The following RARB variants were observed in gnomAD, a reference collection of about 807,000 sequenced individuals.
RARB encodes retinoic acid receptor beta.
RARB carries 17 observed loss-of-function variants against 51.9 expected under a neutral mutation model. The ratio of observed to expected loss-of-function variants is 0.33; its 90% CI spans 0.22 to 0.49. The LOEUF (loss-of-function observed/expected upper bound fraction) is 0.49. Among genes scored for constraint, RARB ranks in the 20% least tolerant of loss-of-function variants. RARB has a pLI of 0.99. For missense variants in RARB, 369 were observed against 550.8 expected (o/e 0.67, Z 3.30); for synonymous variants, 215 against 195.4 (o/e 1.10, Z -0.84).
At chr3:25,104,605 C>T (rs1234507345) in intron 3 of RARB, among the ~76,000 whole-genome samples, 1 of 152,116 alleles carries the variant, frequency 6.6e-6, no homozygotes, top group Admixed American at 6.5e-5. Flanking sequence ...GATTGTGCCA[C>T]TGCACTCCAG....
chr3:25,066,699 AATTAC>A (rs1489844554), intron 3 of RARB, among the ~76,000 whole-genome samples: 1 of 152,068 alleles, frequency 6.6e-6, no homozygotes, highest in East Asian at 1.9e-4. Flanking sequence ...AAAAATCCCC[AATTAC>A]AAAAATACTA....
intron 5 of RARB, among the ~76,000 whole-genome samples, chr3:25,195,453 T>TA (rs1340233453): frequency 6.6e-6 from 1 of 152,032 alleles, no homozygotes; most frequent in East Asian, 1.9e-4. Context: ...ATTCAGACAT[T>TA]AAAAAATAGC....
intron 5 of RARB, among the ~76,000 whole-genome samples, chr3:25,300,716 G>T (rs897615346): frequency 1.3e-5 from 2 of 152,186 alleles, no homozygotes; most frequent in Non-Finnish European, 2.9e-5. Flanking sequence ...CTGGTCAGGA[G>T]TGGTGGCTCA....
chr3:25,461,809 C>G, intron 2 of RARB, among the ~76,000 whole-genome samples: 1 of 152,172 alleles, frequency 6.6e-6, no homozygotes, highest in East Asian at 1.9e-4. Context: ...ACACGAGAAT[C>G]ACTTGAAACT....
intron 2 of RARB, among the ~76,000 whole-genome samples, chr3:25,044,967 C>A (rs191924081): frequency 6.6e-6 from 1 of 152,170 alleles, no homozygotes; most frequent in African/African-American, 2.4e-5. Context: ...ATGAACCTTA[C>A]AATCAAAGTC....
At chr3:25,373,313 G>A (rs1354360252) in intron 5 of RARB, among the ~76,000 whole-genome samples, 3 of 152,076 alleles carry the variant, frequency 2.0e-5, no homozygotes. Flanking sequence ...AGGAATCCCA[G>A]GAGACTTAGC....
chr3:25,563,572 A>T (rs776708312), intron 3 of RARB, among the ~76,000 whole-genome samples: 1 of 152,244 alleles, frequency 6.6e-6, no homozygotes, highest in Non-Finnish European at 1.5e-5. Context: ...AAATGCTTGA[A>T]TTAAATCCTT....
intron 4 of RARB, among the ~76,000 whole-genome samples, chr3:25,168,920 T>A (rs139741491): frequency 1.3e-3 from 196 of 152,254 alleles, no homozygotes; most frequent in African/African-American, 4.6e-3. Flanking sequence ...GGGAAAGGGA[T>A]CCTTGAGATT....
intron 2 of RARB, among the ~76,000 whole-genome samples, chr3:25,018,334 C>CAA (rs1697559056): frequency 2.0e-5 from 3 of 152,166 alleles, no homozygotes; most frequent in African/African-American, 7.2e-5. Flanking sequence ...GCAGTATAAT[C>CAA]ATTCTTCCCC....
At chr3:25,229,554 T>C (rs1702129264) in intron 5 of RARB, among the ~76,000 whole-genome samples, 1 of 152,140 alleles carries the variant, frequency 6.6e-6, no homozygotes, top group African/African-American at 2.4e-5. Flanking sequence ...GTATATTGTA[T>C]ACTAGTTAAA....
At chr3:25,086,854 A>G (rs940079608) in intron 3 of RARB, among the ~76,000 whole-genome samples, 1 of 152,132 alleles carries the variant, frequency 6.6e-6, no homozygotes, top group Non-Finnish European at 1.5e-5. Flanking sequence ...TATTATGCAG[A>G]TAAAGCCTCC....
intron 5 of RARB, among the ~76,000 whole-genome samples, chr3:25,281,904 G>A (rs1443172306): frequency 6.6e-6 from 1 of 152,202 alleles, no homozygotes; most frequent in African/African-American, 2.4e-5. Flanking sequence ...AAATAGCTGT[G>A]CTCATGTTGT....
chr3:24,957,415 C>A (rs998007236), intron 2 of RARB, among the ~76,000 whole-genome samples: 32 of 152,114 alleles, frequency 2.1e-4, no homozygotes, highest in African/African-American at 7.5e-4. Flanking sequence ...TGACGACAGC[C>A]CATAAGAGTT....
At chr3:25,573,480 G>T (rs1025758193) in intron 4 of RARB, among the ~76,000 whole-genome samples, 1 of 152,154 alleles carries the variant, frequency 6.6e-6, no homozygotes, top group Non-Finnish European at 1.5e-5. Context: ...GCATCCTTCC[G>T]GAGGCCTGCT....
intron 2 of RARB, among the ~76,000 whole-genome samples, chr3:25,037,558 A>G (rs1003063740): frequency 2.0e-5 from 3 of 152,142 alleles, no homozygotes; most frequent in Non-Finnish European, 4.4e-5. Flanking sequence ...GGAACTAAGT[A>G]TGTGTCACTT....
intron 5 of RARB, among the ~76,000 whole-genome samples, chr3:25,241,786 C>T (rs1018260874): frequency 2.6e-5 from 4 of 152,164 alleles, no homozygotes; most frequent in African/African-American, 9.7e-5. Flanking sequence ...GTGCATGTGT[C>T]TATATAGCAG....
chr3:25,406,661 TGA>T (rs1270177907), intron 5 of RARB, among the ~76,000 whole-genome samples: 1 of 152,238 alleles, frequency 6.6e-6, no homozygotes, highest in Non-Finnish European at 1.5e-5. Flanking sequence ...AATTATATTC[TGA>T]GACACTGGAG....
intron 2 of RARB, among the ~76,000 whole-genome samples, chr3:24,981,594 G>A (rs1474332760): frequency 5.3e-5 from 8 of 151,678 alleles, no homozygotes; most frequent in Non-Finnish European, 8.8e-5. Context: ...ACCGAGCCAG[G>A]CACAGGAGGG....
rs143877320 is a variant in RARB at position 25,014,957 on chromosome 3, C to G, written c.-379-45168C>G. On this transcript the variant is annotated intron_variant, in intron 2 of 11. Transcript: ENST00000383772. Reference sequence around the variant, plus strand: ...TTATGGAGTCCACAAATATTAAAACCAATTGTATATCTTTTTGTATTTCTT... The same window carrying G: ...TTATGGAGTCCACAAATATTAAAACGAATTGTATATCTTTTTGTATTTCTT... Among the ~76,000 whole-genome samples the G allele has an allele frequency of 2.4e-4, 37 of 152,112 alleles. 1 individual carries two copies. In the East Asian group the frequency reaches 6.6e-3, roughly 27 times the overall value.
Sources: gnomAD v4.1 joint callset for allele counts (sites outside exome capture counted in the v4.1 genomes callset) on GRCh38, gnomAD v4.1.1 for gene constraint, MANE v1.5 for transcripts, NCBI Gene and HGNC (gene_info 2026-07-23, HGNC 2026-07-21) for gene names.